Variants in ITSN1 observed in about 807,000 individuals in gnomAD.
ITSN1 encodes the protein intersectin 1.
Under a neutral mutation model 239.8 loss-of-function variants are expected in ITSN1, and 58 were observed. The ratio of observed to expected loss-of-function variants is 0.24; its 90% CI spans 0.20 to 0.30. The LOEUF (loss-of-function observed/expected upper bound fraction) is 0.30. Ranked by LOEUF, ITSN1 falls within the 10% of genes least tolerant of loss-of-function variation. The pLI is 1.00. For missense variants in ITSN1, 1,558 were observed against 2,103.3 expected (o/e 0.74, Z 5.07); for synonymous variants, 780 against 770.8 (o/e 1.01, Z -0.20).
At chr21:33,819,188 A>G (rs2073487659) in intron 23 of ITSN1, 53 bp from the exon 24 acceptor site, 1 of 1,359,766 alleles carries the variant, frequency 7.4e-7, no homozygotes, top group Admixed American at 1.8e-5. Flanking sequence ...GTGTCATTGT[A>G]CGATTTTCTT....
chr21:33,854,013 A>G, intron 29 of ITSN1, among the ~76,000 whole-genome samples: 1 of 152,208 alleles, frequency 6.6e-6, no homozygotes, highest in South Asian at 2.1e-4. Context: ...CCCAGCACCC[A>G]GAGTGGTTAG....
chr21:33,779,106 T>C (rs1423487379), intron 14 of ITSN1, among the ~76,000 whole-genome samples: 1 of 151,594 alleles, frequency 6.6e-6, no homozygotes, highest in Non-Finnish European at 1.5e-5. Context: ...TTCTTGGCTC[T>C]ATTGATTTTT....
At chr21:33,661,135 C>T (rs1262930148) in intron 1 of ITSN1, among the ~76,000 whole-genome samples, 2 of 152,110 alleles carry the variant, frequency 1.3e-5, no homozygotes, top group African/African-American at 4.8e-5. Context: ...GTTTTTCTTG[C>T]AGCATCAGGC....
chr21:33,819,512 C>T (rs1018094944), intron 24 of ITSN1, among the ~76,000 whole-genome samples, 189 bp downstream of exon 24: 5 of 152,114 alleles, frequency 3.3e-5, no homozygotes, highest in Non-Finnish European at 7.4e-5. Flanking sequence ...GTATATTAAT[C>T]ATCAAAAACT....
In ITSN1 at chr21:33,749,536, G is replaced by A. The variant is rs1381245555; in HGVS notation, c.347-607G>A. Reference sequence around the variant, plus strand: ...GGGCACCTGTAATCCCAGCTATTCAGGAGACTGAGGCAGGAGAATCACTTG... The same window carrying A: ...GGGCACCTGTAATCCCAGCTATTCAAGAGACTGAGGCAGGAGAATCACTTG... On this transcript the variant is annotated intron_variant, in intron 5 of 39. Coordinates refer to ENST00000381318, the MANE Select transcript of ITSN1 (RefSeq NM_003024.3). 2.0e-5 allele frequency among the ~76,000 whole-genome samples: 3 copies of A among 152,046 alleles called. No individual in the cohort carries two copies. In the East Asian group the frequency reaches 5.8e-4, roughly 30 times the overall value.
intron 1 of ITSN1, among the ~76,000 whole-genome samples, chr21:33,706,234 G>C (rs907401606): frequency 6.6e-6 from 1 of 151,942 alleles, no homozygotes; most frequent in African/African-American, 2.4e-5. Context: ...GGCCAGGCTG[G>C]TCTGGAACTC....
chr21:33,869,837 G>A (rs759480085), intron 33 of ITSN1, among the ~76,000 whole-genome samples: 3 of 151,862 alleles, frequency 2.0e-5, no homozygotes, highest in Non-Finnish European at 4.4e-5. Flanking sequence ...ATATATGAAT[G>A]TCTTTTCATG....
chr21:33,738,875 G>A (rs187041213), intron 5 of ITSN1, among the ~76,000 whole-genome samples: 1 of 152,154 alleles, frequency 6.6e-6, no homozygotes, highest in East Asian at 1.9e-4. Context: ...GCTCACTGTA[G>A]CCTCCAACTC....
intron 29 of ITSN1, among the ~76,000 whole-genome samples, chr21:33,847,029 C>T (rs904771371): frequency 1.3e-5 from 2 of 152,204 alleles, no homozygotes; most frequent in African/African-American, 2.4e-5. Flanking sequence ...TCTATGCAGC[C>T]GCTGTGAATG....
At chr21:33,785,156 G>T (rs1189419641) in intron 16 of ITSN1, among the ~76,000 whole-genome samples, 1 of 152,196 alleles carries the variant, frequency 6.6e-6, no homozygotes, top group African/African-American at 2.4e-5. Flanking sequence ...CTGTAACACT[G>T]GAGGAATACC....
At chr21:33,847,991 C>T (rs1403640399) in intron 29 of ITSN1, among the ~76,000 whole-genome samples, 8 of 152,184 alleles carry the variant, frequency 5.3e-5, no homozygotes, top group Admixed American at 2.0e-4. Flanking sequence ...AAACTCCTTG[C>T]GTGACCCCAG....
At position 33,889,645 on chromosome 21, in the gene ITSN1, T is replaced by G. The variant is rs1219770227; in HGVS notation, c.*1345T>G. The G allele has an allele frequency of 6.6e-6, 1 of 152,234 alleles. No homozygotes were observed. The highest frequency in any genetic ancestry group is 1.5e-5 in the Non-Finnish European group (1 of 68,038). 9.4% of individuals were successfully genotyped at this position (152,234 alleles called of 1,614,324 possible). A position where few individuals can be genotyped will look rare whatever the true frequency, so the allele number is the denominator to read the frequency against. On this transcript the variant is annotated 3_prime_UTR_variant, in exon 40 of 40. Coordinates refer to ENST00000381318, the MANE Select transcript of ITSN1 (RefSeq NM_003024.3). Reference sequence around the variant, plus strand: ...TAATATTCTCATAATCCTAGTTTGTTGTGGTCATGAAATGTCCTTTGCATG... The same window carrying G: ...TAATATTCTCATAATCCTAGTTTGTGGTGGTCATGAAATGTCCTTTGCATG...
chr21:33,731,074 G>A (rs759571877), intron 4 of ITSN1, among the ~76,000 whole-genome samples: 5 of 152,164 alleles, frequency 3.3e-5, no homozygotes, highest in African/African-American at 4.8e-5. Context: ...TGAGAAAAGC[G>A]TTTTTTGAGT....
At chr21:33,685,564 G>C (rs1446927416) in intron 1 of ITSN1, among the ~76,000 whole-genome samples, 1 of 148,354 alleles carries the variant, frequency 6.7e-6, no homozygotes, top group African/African-American at 2.5e-5. Flanking sequence ...AAAACACTTA[G>C]AGGTGATCCT....
At chr21:33,727,658 C>T (rs934642912) in intron 4 of ITSN1, among the ~76,000 whole-genome samples, 3 of 151,544 alleles carry the variant, frequency 2.0e-5, no homozygotes, top group African/African-American at 7.3e-5. Context: ...ATCCCCTCTC[C>T]TCCATCCCTC....
chr21:33,780,813 C>T (rs1300497226), intron 14 of ITSN1, among the ~76,000 whole-genome samples: 1 of 152,152 alleles, frequency 6.6e-6, no homozygotes, highest in African/African-American at 2.4e-5. Flanking sequence ...AGATACTGTT[C>T]TTGGCAAGTT....
intron 9 of ITSN1, among the ~76,000 whole-genome samples, chr21:33,765,335 A>G (rs566582273): frequency 2.4e-4 from 36 of 152,264 alleles, no homozygotes; most frequent in Admixed American, 2.3e-3. Context: ...CATCTCTACA[A>G]AATATTTTAA....
Position 33,890,897 on chromosome 21 carries a change from A to G in ITSN1, c.*2597A>G. On this transcript the variant is annotated 3_prime_UTR_variant, in exon 40 of 40. Transcript: ENST00000381318. ...CAAGCGTTCCTCTGCTCTGAGCCAC[A>G]CTGCTAGCTTCTCCTGCACACTCTG... 6.5e-6 allele frequency: 1 copy of G among 152,820 alleles called. No homozygotes were observed. The highest frequency in any genetic ancestry group is 1.5e-5 in the Non-Finnish European group (1 of 68,322). The allele number at this position is 152,820 out of a possible 1,614,324, so 9.5% of individuals were successfully genotyped here.
chr21:33,815,792 A>G (rs1443367854), intron 22 of ITSN1, among the ~76,000 whole-genome samples: 1 of 152,154 alleles, frequency 6.6e-6, no homozygotes, highest in Non-Finnish European at 1.5e-5. Context: ...AAAATGTTCA[A>G]GTTGGGCTGC....
Sources: allele counts gnomAD v4.1 joint callset (sites outside exome capture counted in the v4.1 genomes callset), GRCh38; gene constraint gnomAD v4.1.1; transcripts MANE v1.5; gene names NCBI Gene and HGNC (gene_info 2026-07-23, HGNC 2026-07-21).